LHFPL4: variants seen among roughly 807,000 people sequenced by gnomAD.
The protein encoded by LHFPL4 is LHFPL tetraspan subfamily member 4 protein.
A neutral mutation model predicts 20.0 loss-of-function variants in LHFPL4; 6 were observed. The ratio of observed to expected loss-of-function variants is 0.30; its 90% CI spans 0.16 to 0.59. The LOEUF is 0.59. Among genes scored for constraint, LHFPL4 ranks in the 20% least tolerant of loss-of-function variants. LHFPL4 has a pLI of 0.88. For synonymous variants in LHFPL4, 129 were observed against 143.8 expected, an observed-to-expected ratio of 0.90 and a Z score of 0.74; for missense variants, 215 against 331.2, an observed-to-expected ratio of 0.65 and a Z score of 2.72.
At chr3:9,513,064 A>G (rs1574840066) in intron 2 of LHFPL4, among the ~76,000 whole-genome samples, 2 of 151,796 alleles carry the variant, frequency 1.3e-5, no homozygotes, top group Non-Finnish European at 2.9e-5. Flanking sequence ...GATTCACGCC[A>G]TTCTCCTGCC....
chr3:9,512,081 C>T lies in LHFPL4; in HGVS notation c.407-5878G>A, dbSNP rs531594866. ...CCGAATAGCTGGGACTACAGGCGCC[C>T]GCCACCACACCTGGCTAATTATTTG... is the stretch of plus-strand genomic sequence containing the variant. On this transcript the variant is annotated intron_variant, in intron 2 of 3. Transcript: ENST00000287585. Among the ~76,000 whole-genome samples the T allele has an allele frequency of 2.2e-4, 34 of 152,228 alleles. No individual in the cohort carries two copies. In the South Asian group the frequency reaches 6.0e-3, roughly 27 times the overall value.
intron 2 of LHFPL4, among the ~76,000 whole-genome samples, chr3:9,527,035 C>T (rs2046379941): frequency 6.6e-6 from 1 of 150,780 alleles, no homozygotes; most frequent in Non-Finnish European, 1.5e-5. Context: ...GGGAAGGAGA[C>T]AGAAGGAAGG....
Position 9,512,153 on chromosome 3 carries a change from G to A in LHFPL4, c.407-5950C>T, listed in dbSNP as rs201186804. 1.3e-4 allele frequency among the ~76,000 whole-genome samples: 20 copies of A among 152,278 alleles called. No homozygotes were observed. The South Asian group carries it at 2.5e-3, about 19-fold the overall frequency. On this transcript the variant is annotated intron_variant, in intron 2 of 3. Coordinates refer to ENST00000287585, the MANE Select transcript of LHFPL4 (RefSeq NM_198560.3). The stretch of plus-strand genomic sequence containing the variant: ...TTCAAGTGTTAGCCAGGATGGTCTC[G>A]ATCTCCTGACCTCGTGATCCACCCG...
At chr3:9,550,449 C>G (rs1574857831) in intron 2 of LHFPL4, among the ~76,000 whole-genome samples, 3 of 152,142 alleles carry the variant, frequency 2.0e-5, no homozygotes, top group Non-Finnish European at 4.4e-5. Context: ...AGTTTCCTCT[C>G]TCTAAAACAG....
intron 2 of LHFPL4, among the ~76,000 whole-genome samples, chr3:9,535,315 A>G (rs1002527229): frequency 6.6e-6 from 1 of 152,182 alleles, no homozygotes; most frequent in Non-Finnish European, 1.5e-5. Context: ...TATGGAATAG[A>G]TACTGTTATT....
chr3:9,537,619 A>C (rs1457510043), intron 2 of LHFPL4, among the ~76,000 whole-genome samples: 4 of 151,858 alleles, frequency 2.6e-5, no homozygotes, highest in African/African-American at 9.7e-5. Flanking sequence ...TGCTCTCTCC[A>C]TCCCTTCCAA....
In LHFPL4 at chr3:9,520,937, G is replaced by A. The variant is rs57190742; in HGVS notation, c.407-14734C>T. Among the ~76,000 whole-genome samples the A allele has an allele frequency of 0.036, 5,429 of 152,112 alleles. 469 individuals are homozygous for A. In the East Asian group the frequency reaches 0.39, roughly 11 times the overall value. On this transcript the variant is annotated intron_variant, in intron 2 of 3. Coordinates refer to ENST00000287585, the MANE Select transcript of LHFPL4 (RefSeq NM_198560.3). Reference sequence around the variant, plus strand: ...CATTATATGCATTTAATTAATGGTGGTGTTGAGTTCAGCTATGTCCTTACT... The same window carrying A: ...CATTATATGCATTTAATTAATGGTGATGTTGAGTTCAGCTATGTCCTTACT...
At chr3:9,521,591 G>A (rs2046338119) in intron 2 of LHFPL4, among the ~76,000 whole-genome samples, 2 of 151,346 alleles carry the variant, frequency 1.3e-5, no homozygotes, top group African/African-American at 4.9e-5. Flanking sequence ...TTTTAGTAAA[G>A]ACAGGGTTTC....
In LHFPL4 at chr3:9,552,765, G is replaced by A; in HGVS notation, c.-86C>T. 1 of 809,616 alleles carries A rather than the reference G, an allele frequency of 1.2e-6. No individual in the cohort carries two copies. Among genetic ancestry groups the A allele is most frequent in the Non-Finnish European group, 1.5e-6 (1 of 648,158 alleles). The allele number at this position is 809,616 out of a possible 1,614,324, so 50.2% of individuals were successfully genotyped here. On this transcript the variant is annotated 5_prime_UTR_variant, in exon 2 of 4. Transcript: ENST00000287585. ...AGCGCCGGGCTGCCGGGCGGGAGCT[G>A]GGGACGCACGCGAGAAGCGGCCCTG...
intron 2 of LHFPL4, among the ~76,000 whole-genome samples, chr3:9,547,019 G>C (rs902341870): frequency 4.6e-5 from 7 of 152,146 alleles, no homozygotes; most frequent in Non-Finnish European, 8.8e-5. Flanking sequence ...GACACGGTCT[G>C]GCTCTGTTGC....
At position 9,545,360 on chromosome 3, in the gene LHFPL4, A is replaced by G. The variant is rs188714408; in HGVS notation, c.406+6914T>C. Among the ~76,000 whole-genome samples the G allele has an allele frequency of 8.9e-4, 135 of 152,312 alleles. 1 individual carries two copies. In the South Asian group the frequency reaches 9.1e-3, roughly 10 times the overall value. Reference sequence around the variant, plus strand: ...ACAACAAAGACAGTGGAAGAATAAAATTCCAAATCAAATCTGAAACAAGAC... The same window carrying G: ...ACAACAAAGACAGTGGAAGAATAAAGTTCCAAATCAAATCTGAAACAAGAC... On this transcript the variant is annotated intron_variant, in intron 2 of 3. Transcript: ENST00000287585.
chr3:9,498,718 CTT>C lies in LHFPL4; in HGVS notation c.*3491_*3492del, dbSNP rs2046148706. 1 of 152,672 alleles carries C rather than the reference CTT, an allele frequency of 6.5e-6. No homozygotes were observed. Among genetic ancestry groups the C allele is most frequent in the Admixed American group, 6.5e-5 (1 of 15,280 alleles). 9.5% of individuals were successfully genotyped at this position (152,672 alleles called of 1,614,324 possible). A position where few individuals can be genotyped will look rare whatever the true frequency, so the allele number is the denominator to read the frequency against. ...CTCCAAAGACAGGGTTTCCCTTTCT[CTT>C]TCTCAGTTCACACTGGAAGCTGGAG... On this transcript the variant is annotated 3_prime_UTR_variant, in exon 4 of 4. Transcript: ENST00000287585.
chr3:9,500,681 C>T lies in LHFPL4; in HGVS notation c.*1530G>A, dbSNP rs548956314. On this transcript the variant is annotated 3_prime_UTR_variant, in exon 4 of 4. Coordinates refer to ENST00000287585, the MANE Select transcript of LHFPL4 (RefSeq NM_198560.3). ...GCTTCCCCTGGCATCCTGCAGGGCACCGCCCCTTCCCTGCAGGTCCAGGCC... is the reference window on the plus strand; with the variant it reads ...GCTTCCCCTGGCATCCTGCAGGGCATCGCCCCTTCCCTGCAGGTCCAGGCC... The T allele has an allele frequency of 3.0e-3, 457 of 152,406 alleles. 3 individuals carry two copies. The highest frequency in any genetic ancestry group is 7.4e-3 in the African/African-American group (307 of 41,588). The allele number at this position is 152,406 out of a possible 1,614,324, so 9.4% of individuals were successfully genotyped here. A position where few individuals can be genotyped will look rare whatever the true frequency, so the allele number is the denominator to read the frequency against.
chr3:9,507,517 G>A (rs2046227420), intron 2 of LHFPL4, among the ~76,000 whole-genome samples: 2 of 152,240 alleles, frequency 1.3e-5, no homozygotes, highest in Admixed American at 1.3e-4. Flanking sequence ...AATCTTAGCT[G>A]TTATCAAAAC....
chr3:9,508,920 GGGCAAA>G, intron 2 of LHFPL4, among the ~76,000 whole-genome samples: 1 of 152,284 alleles, frequency 6.6e-6, no homozygotes, highest in South Asian at 2.1e-4. Flanking sequence ...CCCAAGAAGG[GGGCAAA>G]CCCACACCGT....
intron 2 of LHFPL4, among the ~76,000 whole-genome samples, chr3:9,516,416 C>G (rs1208414519): frequency 6.6e-6 from 1 of 151,942 alleles, no homozygotes; most frequent in Non-Finnish European, 1.5e-5. Context: ...TGTTTCTGGG[C>G]TCTCCATTCT....
At chr3:9,518,810 G>A (rs1002380190) in intron 2 of LHFPL4, among the ~76,000 whole-genome samples, 3 of 150,240 alleles carry the variant, frequency 2.0e-5, no homozygotes, top group African/African-American at 7.4e-5. Flanking sequence ...TGTCACCTAG[G>A]CTGGAGTACA....
intron 2 of LHFPL4, among the ~76,000 whole-genome samples, chr3:9,511,876 ACAC>A (rs1231394071): frequency 6.6e-6 from 1 of 151,370 alleles, no homozygotes; most frequent in Admixed American, 6.6e-5. Flanking sequence ...TTTGGGAAAC[ACAC>A]CCCAATTTGT....
chr3:9,512,649 A>G (rs1182110915), intron 2 of LHFPL4, among the ~76,000 whole-genome samples: 1 of 152,218 alleles, frequency 6.6e-6, no homozygotes, highest in Admixed American at 6.5e-5. Context: ...TCTTGCAGTC[A>G]GATGTGACCA....
Sources: gnomAD v4.1 joint callset for allele counts (sites outside exome capture counted in the v4.1 genomes callset) on GRCh38, gnomAD v4.1.1 for gene constraint, MANE v1.5 for transcripts, NCBI Gene and HGNC (gene_info 2026-07-23, HGNC 2026-07-21) for gene names.